Variants in NFKBIL1 observed in about 807,000 individuals in gnomAD.
The protein encoded by NFKBIL1 is NF-kappa-B inhibitor-like protein 1.
In NFKBIL1, 30 loss-of-function variants were observed where a neutral mutation model predicts 45.4. The ratio of observed to expected loss-of-function variants is 0.66; its 90% CI spans 0.49 to 0.90. The LOEUF (loss-of-function observed/expected upper bound fraction) is 0.90, where lower values mean the gene tolerates loss of function less well. Among genes scored for constraint, NFKBIL1 ranks in the 40% least tolerant of loss-of-function variants. The pLI is 0.00. For synonymous variants in NFKBIL1, 179 were observed against 197.3 expected (o/e 0.91, Z 0.78); for missense variants, 434 against 513.4 (o/e 0.85, Z 1.49).
chr6:31,555,600 T>G (rs1318893966), intron 2 of NFKBIL1, among the ~76,000 whole-genome samples: 3 of 137,542 alleles, frequency 2.2e-5, no homozygotes, highest in Admixed American at 2.2e-4. Context: ...TGATCCTCTC[T>G]CTCTCTCTCT....
chr6:31,551,402 G>C (rs1015334409), intron 2 of NFKBIL1, among the ~76,000 whole-genome samples: 5 of 152,202 alleles, frequency 3.3e-5, no homozygotes, highest in Non-Finnish European at 7.3e-5. Flanking sequence ...GGCCCAAAAG[G>C]TTCGGGAACT....
chr6:31,552,904 C>T (rs1489949321), intron 2 of NFKBIL1, among the ~76,000 whole-genome samples: 1 of 151,408 alleles, frequency 6.6e-6, no homozygotes, highest in African/African-American at 2.4e-5. Context: ...CAGGGTTTCA[C>T]TGTGTTGGCC....
chr6:31,552,677 C>T (rs1199829078), intron 2 of NFKBIL1, among the ~76,000 whole-genome samples: 1 of 125,432 alleles, frequency 8.0e-6, no homozygotes, highest in Non-Finnish European at 1.7e-5. Context: ...GCTATAAAGG[C>T]GGCATTTCTT....
At chr6:31,556,830 A>G in intron 2 of NFKBIL1, 1 of 448,434 alleles carries the variant, frequency 2.2e-6, no homozygotes, top group Non-Finnish European at 4.5e-6. Context: ...TATTTTACTC[A>G]GTTTATTGAT....
chr6:31,555,364 A>G (rs1471069900), intron 2 of NFKBIL1, among the ~76,000 whole-genome samples: 1 of 150,888 alleles, frequency 6.6e-6, no homozygotes, highest in Non-Finnish European at 1.5e-5. Context: ...CAGCCTCCCA[A>G]GTAGCTGGGA....
In NFKBIL1 at chr6:31,558,084, C is replaced by T. The variant is rs200114883; in HGVS notation, c.619C>T (p.Arg207Trp). ...SFSAWSDRLA[R>W]EHAQKCQQQQ... Reference sequence around the variant, plus strand: ...CTCAGCCTGGTCAGATCGCCTGGCCCGGGAACATGCCCAGAAGTGCCAGCA... The same window carrying T: ...CTCAGCCTGGTCAGATCGCCTGGCCTGGGAACATGCCCAGAAGTGCCAGCA... The change falls in exon 4 of 4, where the codon CGG (arginine) becomes TGG (tryptophan). Residue 207 changes from arginine (R) to tryptophan (W), a missense_variant. Arg to Trp is a moderately radical substitution (Grantham distance 101). Around this residue, in one of 4 missense-constraint regions of NFKBIL1, gnomAD observed 23 missense variants for 46.9 expected, o/e 0.49. Coordinates refer to ENST00000376148, the MANE Select transcript of NFKBIL1 (RefSeq NM_005007.4). This position sits in a 1 kb window ranked among gnomAD's most constrained non-coding sequence, Gnocchi z 7.2. 41 of 1,612,444 alleles carry T rather than the reference C, an allele frequency of 2.5e-5. No individual in the cohort carries two copies. The highest frequency in any genetic ancestry group is 2.0e-4 in the East Asian group (9 of 44,866).
At chr6:31,548,503 C>A in intron 2 of NFKBIL1, 64 bp downstream of exon 2, 1 of 1,405,878 alleles carries the variant, frequency 7.1e-7, no homozygotes, top group Non-Finnish European at 9.2e-7. Flanking sequence ...GAAAGCCAAC[C>A]AATAGTTGAG....
Position 31,558,797 on chromosome 6 carries a change from C to A in NFKBIL1, c.*186C>A. The A allele has an allele frequency of 1.8e-6, 1 of 555,160 alleles. No homozygotes were observed. Among genetic ancestry groups the A allele is most frequent in the Non-Finnish European group, 3.2e-6 (1 of 310,686 alleles). The allele number at this position is 555,160 out of a possible 1,614,324, so 34.4% of individuals were successfully genotyped here. A position where few individuals can be genotyped will look rare whatever the true frequency, so the allele number is the denominator to read the frequency against. ...CCGCCACCACTGCTCCTTGACTCTGCCGTTTCCTAATAAGACCTGGTTCCA... is the reference window on the plus strand; with the variant it reads ...CCGCCACCACTGCTCCTTGACTCTGACGTTTCCTAATAAGACCTGGTTCCA... On this transcript the variant is annotated 3_prime_UTR_variant, in exon 4 of 4. Coordinates refer to ENST00000376148, the MANE Select transcript of NFKBIL1 (RefSeq NM_005007.4). The surrounding 1 kb of genome is among the most constrained non-coding windows in gnomAD (Gnocchi z 7.2).
Position 31,557,941 on chromosome 6 carries a change from C to T in NFKBIL1, c.557-81C>T. ...TCACACTAGGCTCCTCTGCCCCCTC[C>T]TCTGTGCTTCCCTGCTTCTTGGGGC... is the stretch of plus-strand genomic sequence containing the variant. On this transcript the variant is annotated intron_variant, in intron 3 of 3. Coordinates refer to ENST00000376148, the MANE Select transcript of NFKBIL1 (RefSeq NM_005007.4). This position sits in a 1 kb window ranked among gnomAD's most constrained non-coding sequence, Gnocchi z 5.4. 2.0e-6 allele frequency: 3 copies of T among 1,496,590 alleles called. No homozygotes were observed. Among genetic ancestry groups the T allele is most frequent in the Non-Finnish European group, 1.8e-6 (2 of 1,108,518 alleles). The allele number at this position is 1,496,590 out of a possible 1,614,324, so 92.7% of individuals were successfully genotyped here.
rs369227078 is a variant in NFKBIL1 at position 31,558,195 on chromosome 6, C to T, written c.730C>T (p.Arg244Trp). 5.6e-6 allele frequency: 9 copies of T among 1,606,032 alleles called. No individual in the cohort carries two copies. The highest frequency in any genetic ancestry group is 1.3e-5 in the African/African-American group (1 of 74,872). ...CTGGCGACAGCAGGAGGAGGAGCAG[C>T]GGCTCTTCAGGGAGCGAGCCCGGGC... ...QSWRQQEEEQ[R>W]LFRERARAKE... The change falls in exon 4 of 4, where the codon CGG becomes TGG. Residue 244 changes from arginine to tryptophan, a missense_variant. Arg to Trp is a moderately radical substitution (Grantham distance 101). This residue lies in a region of NFKBIL1 where 128 missense variants were observed against 106.5 expected (regional missense o/e 1.20). Coordinates refer to ENST00000376148, the MANE Select transcript of NFKBIL1 (RefSeq NM_005007.4). This position sits in a 1 kb window ranked among gnomAD's most constrained non-coding sequence, Gnocchi z 7.2.
Position 31,557,940 on chromosome 6 carries a change from C to T in NFKBIL1, c.557-82C>T, listed in dbSNP as rs1769844013. The T allele has an allele frequency of 2.0e-6, 3 of 1,496,884 alleles. No individual in the cohort carries two copies. Among genetic ancestry groups the T allele is most frequent in the Non-Finnish European group, 2.7e-6 (3 of 1,108,400 alleles). The allele number at this position is 1,496,884 out of a possible 1,614,324, so 92.7% of individuals were successfully genotyped here. A position where few individuals can be genotyped will look rare whatever the true frequency, so the allele number is the denominator to read the frequency against. ...GTCACACTAGGCTCCTCTGCCCCCT[C>T]CTCTGTGCTTCCCTGCTTCTTGGGG... is the stretch of plus-strand genomic sequence containing the variant. On this transcript the variant is annotated intron_variant, in intron 3 of 3. Transcript: ENST00000376148. The surrounding 1 kb of genome is among the most constrained non-coding windows in gnomAD (Gnocchi z 5.4).
At position 31,558,317 on chromosome 6, in the gene NFKBIL1, G is replaced by T; in HGVS notation, c.852G>T (p.Glu284Asp). Residue 284 changes from glutamate to aspartate, a missense_variant, in exon 4 of 4, where the codon GAG becomes GAT. Physicochemically the swap from Glu to Asp is conservative, Grantham distance 45 (BLOSUM62 2). This residue lies in a region of NFKBIL1 where 128 missense variants were observed against 106.5 expected (regional missense o/e 1.20). Transcript: ENST00000376148. The surrounding 1 kb of genome is among the most constrained non-coding windows in gnomAD (Gnocchi z 7.2). ...PKPTRAGPRE[E>D]HPRGAGRGSL... ...CAACCAGGGCCGGGCCCAGGGAAGA[G>T]CACCCCAGAGGAGCGGGGAGGGGCA... 6.3e-7 allele frequency: 1 copy of T among 1,576,772 alleles called. No individual in the cohort carries two copies. The highest frequency in any genetic ancestry group is 8.6e-7 in the Non-Finnish European group (1 of 1,160,556).
intron 2 of NFKBIL1, among the ~76,000 whole-genome samples, chr6:31,550,200 C>CA (rs34859965): frequency 0.04 from 4,880 of 122,668 alleles, 124 homozygotes; most frequent in African/African-American, 0.088. Context: ...GACTCCGTCT[C>CA]AAAAAAAAAA....
intron 2 of NFKBIL1, among the ~76,000 whole-genome samples, chr6:31,555,046 G>A (rs1769640858): frequency 6.6e-6 from 1 of 152,120 alleles, no homozygotes; most frequent in South Asian, 2.1e-4. Context: ...ACCAAGGTGG[G>A]ACTGGAAGGG....
In NFKBIL1 at chr6:31,558,390, G is replaced by A; in HGVS notation, c.925G>A (p.Asp309Asn). ...GCCCTGGCCCTGCCCTGGGGGAGGGGACCCAGAGGCCATGGCTGCAGCCCT... is the reference window on the plus strand; with the variant it reads ...GCCCTGGCCCTGCCCTGGGGGAGGGAACCCAGAGGCCATGGCTGCAGCCCT... ...DVPWPCPGGG[D>N]PEAMAAALVA... is the part of the protein sequence containing the mutation. Residue 309 changes from aspartate to asparagine, a missense_variant, in exon 4 of 4, where the codon GAC becomes AAC. Physicochemically the swap from Asp to Asn is conservative, Grantham distance 23. Transcript: ENST00000376148. This position sits in a 1 kb window ranked among gnomAD's most constrained non-coding sequence, Gnocchi z 7.2. 1.3e-6 allele frequency: 2 copies of A among 1,549,944 alleles called. No individual in the cohort carries two copies. Among genetic ancestry groups the A allele is most frequent in the Non-Finnish European group, 1.7e-6 (2 of 1,145,964 alleles).
chr6:31,557,597 T>C lies in NFKBIL1; in HGVS notation c.335-31T>C. 1 of 1,466,586 alleles carries C rather than the reference T, an allele frequency of 6.8e-7. No individual in the cohort carries two copies. Among genetic ancestry groups the C allele is most frequent in the Non-Finnish European group, 9.1e-7 (1 of 1,102,562 alleles). The allele number at this position is 1,466,586 out of a possible 1,614,324, so 90.8% of individuals were successfully genotyped here. A position where few individuals can be genotyped will look rare whatever the true frequency, so the allele number is the denominator to read the frequency against. On this transcript the variant is annotated intron_variant, in intron 2 of 3. Transcript: ENST00000376148. This position sits in a 1 kb window ranked among gnomAD's most constrained non-coding sequence, Gnocchi z 5.4. ...TCTGCCGAGGAGTGGGAGTCCCAGC[T>C]AACTTCTGCTCCCTGCTCTCCCACC...
intron 2 of NFKBIL1, among the ~76,000 whole-genome samples, chr6:31,549,706 T>C (rs1216556095): frequency 6.6e-6 from 1 of 152,084 alleles, no homozygotes; most frequent in Admixed American, 6.6e-5. Context: ...TATTATTTAT[T>C]TTCATCCTAC....
intron 2 of NFKBIL1, among the ~76,000 whole-genome samples, chr6:31,548,642 A>G (rs545381448): frequency 2.8e-4 from 43 of 152,352 alleles, no homozygotes; most frequent in South Asian, 8.3e-4. Flanking sequence ...CCAAAGATCA[A>G]CTGGTCTTCA....
chr6:31,556,855 G>T (rs1769769252), intron 2 of NFKBIL1: 1 of 434,924 alleles, frequency 2.3e-6, no homozygotes, highest in Admixed American at 2.4e-5. Flanking sequence ...GATAATAAAA[G>T]ATAAGTATTA....
Sources: gnomAD v4.1 joint callset for allele counts (sites outside exome capture counted in the v4.1 genomes callset) on GRCh38, gnomAD v4.1.1 for gene constraint, gnomAD v4.1.1 regional missense constraint, Gnocchi (gnomAD v3.1) non-coding constraint, MANE v1.5 for transcripts, NCBI Gene and HGNC (gene_info 2026-07-23, HGNC 2026-07-21) for gene names.